ADCY7: variants seen among roughly 807,000 people sequenced by gnomAD.
The protein encoded by ADCY7 is adenylate cyclase type 7.
ADCY7 carries 72 observed loss-of-function variants against 120.6 expected under a neutral mutation model. That is an observed-to-expected ratio of 0.60 (90% CI 0.49 to 0.73). The LOEUF is 0.73. ADCY7 is among the 30% of genes least tolerant of loss of function. The probability of loss-of-function intolerance (pLI) is 0.00; values close to 1 mark genes in which losing one functional copy is unlikely to be tolerated. For synonymous variants in ADCY7, 661 were observed against 628.0 expected (o/e 1.05, Z -0.78); for missense variants, 1,227 against 1,486.0 (o/e 0.83, Z 2.87).
upstream of ADCY7, among the ~76,000 whole-genome samples, chr16:50,263,901 C>A (rs2033123517): frequency 6.6e-6 from 1 of 152,150 alleles, no homozygotes; most frequent in African/African-American, 2.4e-5. Context: ...CAGATCTGTT[C>A]TTTTTCCTGA....
At chr16:50,264,937 A>G (rs2033157223), upstream of ADCY7, among the ~76,000 whole-genome samples, 5 of 150,698 alleles carry the variant, frequency 3.3e-5, no homozygotes, top group Admixed American at 2.6e-4. Context: ...CCCAGGTTCA[A>G]GTGATTCTCC....
rs369496987 is a variant in ADCY7 at position 50,312,028 on chromosome 16, G to A, written c.2449-8G>A. 58 of 1,613,900 alleles carry A rather than the reference G, an allele frequency of 3.6e-5. No individual in the cohort carries two copies. Among genetic ancestry groups the A allele is most frequent in the African/African-American group, 6.7e-5 (5 of 74,946 alleles). ...TGGACGGGGCGCTTATGTTGCTGCC[G>A]TTTGCAGATTGACTATTACTGCCGC... On this transcript the variant is annotated splice_polypyrimidine_tract_variant and splice_region_variant and intron_variant, in intron 20 of 25. Coordinates refer to ENST00000673801, the MANE Select transcript of ADCY7 (RefSeq NM_001114.5).
chr16:50,309,268 G>T, intron 17 of ADCY7: 1 of 444,684 alleles, frequency 2.2e-6, no homozygotes, highest in East Asian at 3.9e-5. Flanking sequence ...ACCTCCCTCA[G>T]GGTCACCTGG....
Position 50,315,018 on chromosome 16 carries a change from A to G in ADCY7, c.2976A>G (p.Ile992Met), listed in dbSNP as rs2036727271. 2 of 1,614,200 alleles carry G rather than the reference A, an allele frequency of 1.2e-6. No homozygotes were observed. Among genetic ancestry groups the G allele is most frequent in the African/African-American group, 2.7e-5 (2 of 75,058 alleles). ...SFNSFRLRVGINHGPVIAGVI... is the reference protein window; with the variant it reads ...SFNSFRLRVGMNHGPVIAGVI... ...AACTGTAAACATCATCTTCAGGCAT[A>G]AACCATGGGCCTGTGATTGCTGGAG... Residue 992 changes from isoleucine to methionine, a missense_variant, in exon 25 of 26, where the codon ATA becomes ATG. Physicochemically the swap from Ile to Met is conservative, Grantham distance 10. Coordinates refer to ENST00000673801, the MANE Select transcript of ADCY7 (RefSeq NM_001114.5).
intron 1 of ADCY7, among the ~76,000 whole-genome samples, chr16:50,268,027 G>T (rs965902487): frequency 6.6e-6 from 1 of 152,116 alleles, no homozygotes; most frequent in African/African-American, 2.4e-5. Context: ...AGATTCTGTG[G>T]CCCTCAGAAG....
At chr16:50,250,212 C>A (rs1032350203) in intron 1 of ADCY7, among the ~76,000 whole-genome samples, 1 of 152,086 alleles carries the variant, frequency 6.6e-6, no homozygotes, top group Admixed American at 6.5e-5. Flanking sequence ...TTCCAGCACA[C>A]TGGGAGGCCG....
rs774362168 is a variant in ADCY7, at chr16:50,315,105, A to G, written c.3063A>G (p.Arg1021=). The change falls in exon 25 of 26, where the codon CGA becomes CGG. Residue 1021 remains arginine (R), a synonymous_variant. Coordinates refer to ENST00000673801, the MANE Select transcript of ADCY7 (RefSeq NM_001114.5). ...GAAACACTGTCAATGTGGCCAGCCG[A>G]ATGGAAAGCACTGGAGAACTTGGGA... The part of the protein sequence containing the change: ...IWGNTVNVAS[R]MESTGELGKI... 3.7e-6 allele frequency: 6 copies of G among 1,614,176 alleles called. No homozygotes were observed. The East Asian group carries it at 1.1e-4, about 30-fold the overall frequency.
intron 1 of ADCY7, among the ~76,000 whole-genome samples, chr16:50,259,634 G>A (rs964379664): frequency 6.6e-6 from 1 of 152,098 alleles, no homozygotes; most frequent in Non-Finnish European, 1.5e-5. Context: ...ACATGAAGTC[G>A]GGCTGTTCAT....
chr16:50,273,600 G>T (rs1400170245), intron 1 of ADCY7, among the ~76,000 whole-genome samples: 1 of 152,204 alleles, frequency 6.6e-6, no homozygotes, highest in Non-Finnish European at 1.5e-5. Context: ...TGCAATGGGG[G>T]TTTATGAGGT....
At chr16:50,274,577 G>A (rs530112843) in intron 1 of ADCY7, among the ~76,000 whole-genome samples, 1 of 152,266 alleles carries the variant, frequency 6.6e-6, no homozygotes, top group East Asian at 1.9e-4. Context: ...AGGAAGCCTC[G>A]GGGAAGTGAG....
At chr16:50,301,018 A>C (rs1416487565) in intron 9 of ADCY7, 64 bp from the exon 10 acceptor site, 6 of 1,584,760 alleles carry the variant, frequency 3.8e-6, no homozygotes, top group African/African-American at 1.3e-5. Context: ...CCTGCTGTGC[A>C]TCCCTGGGTG....
chr16:50,289,288 G>A (rs1465633291), intron 2 of ADCY7: 4 of 428,754 alleles, frequency 9.3e-6, no homozygotes, highest in South Asian at 6.6e-5. Flanking sequence ...CTCCTGCCTT[G>A]GCCTCCCAAA....
intron 3 of ADCY7, 62 bp from the exon 4 acceptor site, chr16:50,291,674 C>CG: frequency 6.2e-7 from 1 of 1,603,800 alleles, no homozygotes; most frequent in Non-Finnish European, 8.5e-7. Flanking sequence ...TGCAGGGTTC[C>CG]GGGGGCTGTA....
chr16:50,304,589 G>T (rs1465208040), intron 11 of ADCY7, 38 bp downstream of exon 11: 1 of 1,511,232 alleles, frequency 6.6e-7, no homozygotes, highest in African/African-American at 1.4e-5. Flanking sequence ...AGGGATTGGG[G>T]CCCCAAGCCA....
At position 50,294,622 on chromosome 16, in the gene ADCY7, AC is replaced by A; in HGVS notation, c.837-15del. 1.3e-6 allele frequency: 1 copy of A among 793,392 alleles called. No individual in the cohort carries two copies. The highest frequency in any genetic ancestry group is 2.2e-6 in the Non-Finnish European group (1 of 459,488). 49.1% of individuals were successfully genotyped at this position (793,392 alleles called of 1,614,324 possible). A position where few individuals can be genotyped will look rare whatever the true frequency, so the allele number is the denominator to read the frequency against. Reference sequence around the variant, plus strand: ...GAGCCTGGCTCTGACACTCCCTCCCACCCTGCCCCATCCCCAGCATCCTCTA... The same window carrying A: ...GAGCCTGGCTCTGACACTCCCTCCCACCTGCCCCATCCCCAGCATCCTCTA... On this transcript the variant is annotated splice_polypyrimidine_tract_variant and intron_variant, in intron 6 of 25. Transcript: ENST00000673801.
rs375552322 is a variant in ADCY7, at chr16:50,309,353, T to A, written c.2062-195T>A. Among the ~76,000 whole-genome samples the A allele has an allele frequency of 2.0e-5, 3 of 152,336 alleles. No homozygotes were observed. The East Asian group carries it at 5.8e-4, about 29-fold the overall frequency. ...TGGGGGTGTCTGCACCCTCATCTCC[T>A]AGCCCCTCTGCCCTCTGAACCTGAC... On this transcript the variant is annotated intron_variant, in intron 17 of 25. Coordinates refer to ENST00000673801, the MANE Select transcript of ADCY7 (RefSeq NM_001114.5).
At position 50,299,008 on chromosome 16, in the gene ADCY7, G is replaced by A; in HGVS notation, c.1053G>A (p.Gly351=). ...ACGCCCGGAACTGCGTGAAGATGGG[G>A]CTGGACATGTGCCAGGCCATCAAGT... is the stretch of plus-strand genomic sequence containing the variant. The part of the protein sequence containing the change: ...PTHARNCVKM[G]LDMCQAIKQV... Residue 351 remains glycine, a synonymous_variant, in exon 8 of 26, where the codon GGG becomes GGA. Coordinates refer to ENST00000673801, the MANE Select transcript of ADCY7 (RefSeq NM_001114.5). 1.9e-6 allele frequency: 3 copies of A among 1,612,154 alleles called. No homozygotes were observed. In the South Asian group the frequency reaches 3.3e-5, roughly 18 times the overall value.
Position 50,315,157 on chromosome 16 carries a change from A to G in ADCY7, c.3096+19A>G, listed in dbSNP as rs756690309. The G allele has an allele frequency of 6.2e-7, 1 of 1,613,524 alleles. No homozygotes were observed. Among genetic ancestry groups the G allele is most frequent in the Admixed American group, 1.7e-5 (1 of 59,956 alleles). On this transcript the variant is annotated intron_variant, in intron 25 of 25. Coordinates refer to ENST00000673801, the MANE Select transcript of ADCY7 (RefSeq NM_001114.5). ...AATCCAGGTAAAGACCTATTGGGGA[A>G]GCAGTTGACTAAGGGGAAAAGATCT...
intron 1 of ADCY7, among the ~76,000 whole-genome samples, chr16:50,275,934 G>C (rs1239563331): frequency 6.6e-6 from 1 of 152,224 alleles, no homozygotes. Flanking sequence ...GTTCTCTGCA[G>C]GTTCTCAGAG....
Sources: gnomAD v4.1 joint callset for allele counts (sites outside exome capture counted in the v4.1 genomes callset) on GRCh38, gnomAD v4.1.1 for gene constraint, MANE v1.5 for transcripts, NCBI Gene and HGNC (gene_info 2026-07-23, HGNC 2026-07-21) for gene names.